Variants in PGM5 observed in about 807,000 individuals in gnomAD.
The protein encoded by PGM5 is phosphoglucomutase 5.
A neutral mutation model predicts 59.2 loss-of-function variants in PGM5; 23 were observed. The ratio of observed to expected loss-of-function variants is 0.39; its 90% CI spans 0.28 to 0.55. PGM5 has a LOEUF of 0.55. PGM5 is among the 20% of genes least tolerant of loss of function. PGM5 has a pLI of 0.66. For missense variants in PGM5, 574 were observed against 748.3 expected (o/e 0.77, Z 2.72); for synonymous variants, 214 against 286.0 (o/e 0.75, Z 2.54).
At chr9:68,439,239 C>T (rs944657667) in intron 6 of PGM5, among the ~76,000 whole-genome samples, 2 of 151,752 alleles carry the variant, frequency 1.3e-5, no homozygotes, top group East Asian at 1.9e-4. Context: ...GTGGCAAACA[C>T]CTGTGATCCC....
At chr9:68,510,297 A>G (rs1310863500) in intron 10 of PGM5, among the ~76,000 whole-genome samples, 3 of 151,216 alleles carry the variant, frequency 2.0e-5, no homozygotes, top group Admixed American at 2.0e-4. Context: ...GACTACACGC[A>G]CCCGCCACCA....
At chr9:68,436,273 A>G (rs1554683347) in intron 6 of PGM5, among the ~76,000 whole-genome samples, 1 of 152,194 alleles carries the variant, frequency 6.6e-6, no homozygotes, top group African/African-American at 2.4e-5. Flanking sequence ...TACCAAGCCT[A>G]TCATGTCTTG....
intron 1 of PGM5, among the ~76,000 whole-genome samples, chr9:68,366,019 C>A (rs1409766664): frequency 1.3e-5 from 2 of 152,054 alleles, no homozygotes; most frequent in Non-Finnish European, 2.9e-5. Context: ...TTAAAACAAT[C>A]CATCAACTTG....
chr9:68,357,606 C>CCCTTGAGGGGCAA (rs1347260810), intron 1 of PGM5: 1 of 721,492 alleles, frequency 1.4e-6, no homozygotes, highest in African/African-American at 1.8e-5. Flanking sequence ...TACCCACCGC[C>CCCTTGAGGGGCAA]CCCAAAAGCC....
At chr9:68,376,171 T>A (rs1821876213) in intron 1 of PGM5, among the ~76,000 whole-genome samples, 2 of 152,222 alleles carry the variant, frequency 1.3e-5, no homozygotes, top group Admixed American at 6.5e-5. Context: ...TTTGGGCTGC[T>A]CAGCCCATGA....
At chr9:68,410,389 T>C (rs1352545010) in intron 6 of PGM5, among the ~76,000 whole-genome samples, 2 of 152,218 alleles carry the variant, frequency 1.3e-5, no homozygotes, top group Non-Finnish European at 2.9e-5. Flanking sequence ...CTGTCTGTAC[T>C]GTGGGTTTAG....
chr9:68,495,559 C>A (rs568545795), intron 9 of PGM5, among the ~76,000 whole-genome samples: 3 of 152,260 alleles, frequency 2.0e-5, no homozygotes, highest in African/African-American at 7.2e-5. Context: ...CTAGTGACTA[C>A]AAAAGTGGAT....
chr9:68,479,610 G>T, intron 8 of PGM5, 57 bp downstream of exon 8: 10 of 1,567,644 alleles, frequency 6.4e-6, no homozygotes, highest in South Asian at 1.2e-5. Context: ...CCTAGAACAG[G>T]TTTCTAAAAC....
At chr9:68,424,857 G>A (rs903075378) in intron 6 of PGM5, among the ~76,000 whole-genome samples, 2 of 152,220 alleles carry the variant, frequency 1.3e-5, no homozygotes, top group South Asian at 2.1e-4. Context: ...TTTAAAGAAC[G>A]CTTGCAAAAC....
intron 1 of PGM5, among the ~76,000 whole-genome samples, chr9:68,359,540 G>T (rs1834536835): frequency 1.3e-5 from 2 of 152,216 alleles, no homozygotes; most frequent in South Asian, 4.1e-4. Flanking sequence ...GGAGAAAGGT[G>T]GTCTAAAAGA....
intron 7 of PGM5, among the ~76,000 whole-genome samples, chr9:68,471,998 T>C (rs2132084129): frequency 1.3e-5 from 2 of 151,052 alleles, no homozygotes; most frequent in South Asian, 4.2e-4. Context: ...AGTTGGGATG[T>C]ATGAGTTAGG....
At chr9:68,523,411 T>C (rs573994760) in intron 10 of PGM5, among the ~76,000 whole-genome samples, 23 of 152,238 alleles carry the variant, frequency 1.5e-4, no homozygotes, top group Middle Eastern at 3.4e-3. Context: ...GTCTCCACTT[T>C]AACAGACCCA....
At chr9:68,521,581 A>C (rs1191953525) in intron 10 of PGM5, among the ~76,000 whole-genome samples, 1 of 152,202 alleles carries the variant, frequency 6.6e-6, no homozygotes, top group African/African-American at 2.4e-5. Flanking sequence ...ATTCCATGTG[A>C]AAGAAACCTG....
intron 8 of PGM5, among the ~76,000 whole-genome samples, chr9:68,483,398 G>C (rs185065580): frequency 6.4e-4 from 97 of 152,338 alleles, no homozygotes; most frequent in African/African-American, 2.2e-3. Context: ...TATTTGAAGA[G>C]CTGGCAGAAG....
In PGM5 at chr9:68,410,381, G is replaced by C. The variant is rs190799793; in HGVS notation, c.1043+17908G>C. Among the ~76,000 whole-genome samples the C allele has an allele frequency of 3.3e-3, 497 of 152,240 alleles. 3 individuals are homozygous for C. Among genetic ancestry groups the C allele is most frequent in the Middle Eastern group, 0.014 (4 of 294 alleles). ...GAGAGTTATAGAGGGACAACTAGCT[G>C]TCTGTACTGTGGGTTTAGATGATGT... is the stretch of plus-strand genomic sequence containing the variant. On this transcript the variant is annotated intron_variant, in intron 6 of 10. Transcript: ENST00000396396.
intron 2 of PGM5, among the ~76,000 whole-genome samples, chr9:68,383,740 T>TAAAAA (rs61055122): frequency 2.8e-5 from 3 of 106,294 alleles, no homozygotes; most frequent in Non-Finnish European, 5.6e-5. Context: ...ATATACAAGG[T>TAAAAA]AAAAAAAAAA....
intron 6 of PGM5, among the ~76,000 whole-genome samples, chr9:68,454,869 C>T (rs10868851): frequency 0.09 from 13,712 of 152,242 alleles, 1,083 homozygotes; most frequent in East Asian, 0.36. Flanking sequence ...TTCCAATATT[C>T]CCTTTCCTCG....
At chr9:68,493,341 A>G (rs72714393) in intron 9 of PGM5, among the ~76,000 whole-genome samples, 16,318 of 152,284 alleles carry the variant, frequency 0.11, 900 homozygotes, top group Middle Eastern at 0.16. Flanking sequence ...CCTACTCTAC[A>G]TAAGGCTCTG....
intron 6 of PGM5, among the ~76,000 whole-genome samples, chr9:68,444,272 C>T (rs1424698392): frequency 6.6e-6 from 1 of 152,168 alleles, no homozygotes; most frequent in Non-Finnish European, 1.5e-5. Context: ...GCAAGTCTCA[C>T]ATCCTCTCTG....
Sources: gnomAD v4.1 joint callset for allele counts (sites outside exome capture counted in the v4.1 genomes callset) on GRCh38, gnomAD v4.1.1 for gene constraint, MANE v1.5 for transcripts, NCBI Gene and HGNC (gene_info 2026-07-23, HGNC 2026-07-21) for gene names.